CAST: variants seen among roughly 807,000 people sequenced by gnomAD.
CAST encodes the protein MIR583 host.
Under a neutral mutation model 119.6 loss-of-function variants are expected in CAST, and 76 were observed. The observed-to-expected ratio is 0.64, with a 90% CI of 0.53 to 0.77. The LOEUF is 0.77. Ranked by LOEUF, CAST falls within the 30% of genes least tolerant of loss-of-function variation. The probability of loss-of-function intolerance (pLI) is 0.00; values close to 1 mark genes in which losing one functional copy is unlikely to be tolerated. For missense variants in CAST, 953 were observed against 946.5 expected (o/e 1.01, Z -0.09); for synonymous variants, 319 against 331.6 (o/e 0.96, Z 0.41).
At chr5:96,713,463 A>G (rs934330444) in intron 3 of CAST, among the ~76,000 whole-genome samples, 1 of 152,072 alleles carries the variant, frequency 6.6e-6, no homozygotes, top group Non-Finnish European at 1.5e-5. Flanking sequence ...TAATCATATC[A>G]TCAATAACCA....
intron 1 of CAST, among the ~76,000 whole-genome samples, chr5:96,579,674 A>G (rs776397512): frequency 5.3e-5 from 8 of 152,118 alleles, no homozygotes; most frequent in Non-Finnish European, 4.4e-5. Flanking sequence ...CCTTGTTCTT[A>G]TCACCTTTCA....
the CAST span, among the ~76,000 whole-genome samples, chr5:96,418,778 C>T: frequency 2.0e-5 from 3 of 152,120 alleles, no homozygotes; most frequent in East Asian, 3.9e-4. Flanking sequence ...AAGGATGCCA[C>T]CTTTTTGGTT....
chr5:96,636,915 G>A (rs181891802), intron 1 of CAST, among the ~76,000 whole-genome samples: 14 of 151,630 alleles, frequency 9.2e-5, no homozygotes, highest in Admixed American at 3.3e-4. Flanking sequence ...TAAGGGTTGG[G>A]GGTCAAGATG....
the CAST span, among the ~76,000 whole-genome samples, chr5:96,020,199 TCC>T: frequency 1.1e-4 from 16 of 152,202 alleles, no homozygotes; most frequent in Non-Finnish European, 1.8e-4. Flanking sequence ...ATATATTGCC[TCC>T]CATATCAGAA....
At chr5:96,628,556 T>A (rs1003163097) in intron 1 of CAST, among the ~76,000 whole-genome samples, 1 of 152,212 alleles carries the variant, frequency 6.6e-6, no homozygotes, top group African/African-American at 2.4e-5. Flanking sequence ...GTTAAAAGTA[T>A]CTGGGCTTAG....
the CAST span, among the ~76,000 whole-genome samples, chr5:96,210,537 C>T: frequency 8.5e-5 from 13 of 152,088 alleles, no homozygotes; most frequent in African/African-American, 3.1e-4. Flanking sequence ...TGTTCAGTTC[C>T]ACTGATATAT....
the CAST span, among the ~76,000 whole-genome samples, chr5:96,088,006 G>C: frequency 6.6e-6 from 1 of 152,206 alleles, no homozygotes; most frequent in African/African-American, 2.4e-5. Context: ...ATGCCTCCAT[G>C]ACAATATGCT....
chr5:96,487,096 A>G, the CAST span, among the ~76,000 whole-genome samples: 1 of 152,212 alleles, frequency 6.6e-6, no homozygotes, highest in Admixed American at 6.5e-5. Context: ...ATTGGAGAGC[A>G]TCACTGTAAT....
chr5:96,711,260 G>A (rs1309892254), intron 3 of CAST, among the ~76,000 whole-genome samples: 2 of 152,144 alleles, frequency 1.3e-5, no homozygotes, highest in South Asian at 2.1e-4. Flanking sequence ...ATAGGTCAAT[G>A]AACTGAAAAT....
chr5:96,096,430 A>G, the CAST span, among the ~76,000 whole-genome samples: 1 of 152,152 alleles, frequency 6.6e-6, no homozygotes, highest in Non-Finnish European at 1.5e-5. Context: ...CACTGTCTCA[A>G]TCCCTGCCAC....
At chr5:96,500,766 A>G in the CAST span, among the ~76,000 whole-genome samples, 2 of 152,082 alleles carry the variant, frequency 1.3e-5, no homozygotes, top group African/African-American at 4.8e-5. Context: ...ATAACTAATC[A>G]CCGTCTCGGG....
chr5:96,022,166 T>A, the CAST span, among the ~76,000 whole-genome samples: 1 of 152,216 alleles, frequency 6.6e-6, no homozygotes, highest in African/African-American at 2.4e-5. Context: ...CTTGAGCATC[T>A]CCAGGTTTTG....
In CAST at chr5:96,765,309, T is replaced by G; in HGVS notation, c.2021T>G (p.Met674Arg). Residue 674 changes from methionine (M) to arginine (R), a missense_variant, in exon 26 of 32, where the codon ATG (methionine) becomes AGG (arginine). Physicochemically the swap from Met to Arg is moderately conservative, Grantham distance 91. Coordinates refer to ENST00000675179, the MANE Select transcript of CAST (RefSeq NM_001750.7). ...CCTGACCCAGATGAGAACAAACCAA[T>G]GGAAGATAAAGTAAAGGTAAAAAAA... is the stretch of plus-strand genomic sequence containing the variant. ...RQPDPDENKP[M>R]EDKVKEKAKA... 1 of 974,732 alleles carries G rather than the reference T, an allele frequency of 1.0e-6. No individual in the cohort carries two copies. Among genetic ancestry groups the G allele is most frequent in the Non-Finnish European group, 1.4e-6 (1 of 712,054 alleles). 60.4% of individuals were successfully genotyped at this position (974,732 alleles called of 1,614,324 possible). A position where few individuals can be genotyped will look rare whatever the true frequency, so the allele number is the denominator to read the frequency against.
At chr5:96,043,252 C>G in the CAST span, among the ~76,000 whole-genome samples, 1 of 152,004 alleles carries the variant, frequency 6.6e-6, no homozygotes, top group African/African-American at 2.4e-5. Context: ...TGCAGAATGC[C>G]GACCAGTAAG....
At chr5:96,669,803 C>A (rs1013927953) in intron 1 of CAST, among the ~76,000 whole-genome samples, 1 of 152,200 alleles carries the variant, frequency 6.6e-6, no homozygotes, top group Admixed American at 6.5e-5. Flanking sequence ...GGAGCGGAAA[C>A]TTCCGCTTCC....
chr5:96,209,799 G>A, the CAST span, among the ~76,000 whole-genome samples: 1 of 150,922 alleles, frequency 6.6e-6, no homozygotes, highest in Non-Finnish European at 1.5e-5. Context: ...TCTGAAGACT[G>A]TGTGTCTTGG....
Position 96,757,442 on chromosome 5 carries a change from A to G in CAST, c.1711-2A>G, listed in dbSNP as rs781408657. 6.2e-7 allele frequency: 1 copy of G among 1,613,676 alleles called. No individual in the cohort carries two copies. Among genetic ancestry groups the G allele is most frequent in the Non-Finnish European group, 8.5e-7 (1 of 1,179,546 alleles). On this transcript the variant is annotated splice_acceptor_variant, in intron 22 of 31. Coordinates refer to ENST00000675179, the MANE Select transcript of CAST (RefSeq NM_001750.7). LOFTEE classifies it high-confidence loss of function. ...ATGCCATGTGTTTTCCCCCCCGGAT[A>G]GGATAAAGATGGAAAGCCACTCCTG...
the CAST span, among the ~76,000 whole-genome samples, chr5:96,219,336 A>G: frequency 2.0e-5 from 3 of 152,114 alleles, no homozygotes; most frequent in Non-Finnish European, 4.4e-5. Context: ...ATTCAAAACT[A>G]TTTTTTGGTT....
intron 1 of CAST, among the ~76,000 whole-genome samples, chr5:96,604,382 G>A (rs1242314410): frequency 6.6e-6 from 1 of 152,172 alleles, no homozygotes; most frequent in Non-Finnish European, 1.5e-5. Flanking sequence ...TAGAAATTGA[G>A]ACTAGAGTAG....
Sources: allele counts gnomAD v4.1 joint callset (sites outside exome capture counted in the v4.1 genomes callset), GRCh38; gene constraint gnomAD v4.1.1; transcripts MANE v1.5; gene names NCBI Gene and HGNC (gene_info 2026-07-23, HGNC 2026-07-21).